Variants in TTLL7 observed in about 807,000 individuals in gnomAD.
TTLL7 encodes the protein tubulin tyrosine ligase like 7, also known as tubulin polyglutamylase TTLL7.
In TTLL7, 53 loss-of-function variants were observed where a neutral mutation model predicts 120.2. That is an observed-to-expected ratio of 0.44 (90% CI 0.35 to 0.55). The LOEUF (loss-of-function observed/expected upper bound fraction) is 0.55. Ranked by LOEUF, TTLL7 falls within the 20% of genes least tolerant of loss-of-function variation. The pLI is 0.00. For synonymous variants in TTLL7, 353 were observed against 351.7 expected (o/e 1.00, Z -0.04); for missense variants, 803 against 1,054.7 (o/e 0.76, Z 3.31).
intron 1 of TTLL7, among the ~76,000 whole-genome samples, chr1:83,958,547 G>A (rs1431792201): frequency 6.6e-6 from 1 of 152,092 alleles, no homozygotes; most frequent in Non-Finnish European, 1.5e-5. Context: ...TATGCAAAAA[G>A]TAGTATTTCC....
intron 14 of TTLL7, among the ~76,000 whole-genome samples, chr1:83,915,337 G>A (rs367586405): frequency 2.6e-5 from 4 of 152,204 alleles, no homozygotes; most frequent in South Asian, 2.1e-4. Context: ...AAATAATGCC[G>A]CAGGTCTACA....
chr1:83,899,880 GGAA>G (rs1656574169), intron 18 of TTLL7, among the ~76,000 whole-genome samples: 1 of 151,854 alleles, frequency 6.6e-6, no homozygotes, highest in South Asian at 2.1e-4. Context: ...TCTGAGAACT[GGAA>G]GAAGAGATTA....
At chr1:83,996,205 T>G (rs1034936062) in intron 1 of TTLL7, among the ~76,000 whole-genome samples, 1 of 152,108 alleles carries the variant, frequency 6.6e-6, no homozygotes, top group Admixed American at 6.5e-5. Flanking sequence ...AAAGGCAAAT[T>G]CCTTTGGAAG....
intron 10 of TTLL7, among the ~76,000 whole-genome samples, chr1:83,926,995 A>C (rs1428920059): frequency 6.6e-6 from 1 of 152,246 alleles, no homozygotes; most frequent in African/African-American, 2.4e-5. Context: ...CCCCAAGCCT[A>C]ATGTTTTAAA....
intron 10 of TTLL7, among the ~76,000 whole-genome samples, chr1:83,922,435 G>A (rs10493741): frequency 1.3e-5 from 2 of 151,854 alleles, no homozygotes; most frequent in South Asian, 2.1e-4. Context: ...AATATGAGTC[G>A]AAGGCCCTAA....
intron 7 of TTLL7, among the ~76,000 whole-genome samples, chr1:83,939,141 C>A (rs1258751911): frequency 6.6e-6 from 1 of 152,086 alleles, no homozygotes; most frequent in Non-Finnish European, 1.5e-5. Flanking sequence ...ACAAAATAAA[C>A]AACAGTCTCT....
chr1:83,886,714 T>C (rs908299586), intron 19 of TTLL7, among the ~76,000 whole-genome samples: 1 of 151,936 alleles, frequency 6.6e-6, no homozygotes, highest in Non-Finnish European at 1.5e-5. Flanking sequence ...TGAGTGGAGA[T>C]GGGGCTTTCC....
chr1:83,922,059 G>A (rs1658716373), intron 10 of TTLL7, among the ~76,000 whole-genome samples: 1 of 151,968 alleles, frequency 6.6e-6, no homozygotes, highest in South Asian at 2.1e-4. Flanking sequence ...CACGTAGCTG[G>A]TGAAATAACA....
At chr1:83,995,388 C>T (rs1377136467) in intron 1 of TTLL7, among the ~76,000 whole-genome samples, 1 of 151,364 alleles carries the variant, frequency 6.6e-6, no homozygotes, top group Non-Finnish European at 1.5e-5. Context: ...ATCCCTTTGG[C>T]GGTAAGTGAG....
rs1557564652 is a variant in TTLL7 at position 83,892,481 on chromosome 1, A to AACATATAT, written c.2209-2001_2209-2000insATATATGT. Among the ~76,000 whole-genome samples, 26 of 83,952 alleles carry AACATATAT rather than the reference A, an allele frequency of 3.1e-4. 1 individual carries two copies. The highest frequency in any genetic ancestry group is 5.0e-4 in the Non-Finnish European group (18 of 36,172). 55.1% of individuals were successfully genotyped at this position (83,952 alleles called of 152,430 possible). A position where few individuals can be genotyped will look rare whatever the true frequency, so the allele number is the denominator to read the frequency against. On this transcript the variant is annotated intron_variant, in intron 18 of 20. Coordinates refer to ENST00000260505, the MANE Select transcript of TTLL7 (RefSeq NM_024686.6). ...ATATGAACATATATATGAACATATGAATGAACATATATATGAACATATGAA... is the reference window on the plus strand; with the variant it reads ...ATATGAACATATATATGAACATATGAACATATATATGAACATATATATGAACATATGAA...
chr1:83,949,787 A>C (rs1218504766), intron 4 of TTLL7, 78 bp downstream of exon 4: 9 of 1,513,388 alleles, frequency 5.9e-6, no homozygotes, highest in Non-Finnish European at 8.2e-6. Context: ...GCAACATATT[A>C]AGAACCTATC....
At chr1:83,969,700 A>T (rs1468518534) in intron 1 of TTLL7, among the ~76,000 whole-genome samples, 1 of 152,014 alleles carries the variant, frequency 6.6e-6, no homozygotes, top group Non-Finnish European at 1.5e-5. Flanking sequence ...ATGTATGTCA[A>T]GCCATTATTA....
intron 20 of TTLL7, among the ~76,000 whole-genome samples, chr1:83,877,064 C>A (rs1018489330): frequency 3.3e-5 from 5 of 151,940 alleles, no homozygotes; most frequent in African/African-American, 1.2e-4. Flanking sequence ...GAAAATTTAT[C>A]TTTTCTGTCT....
chr1:83,960,937 G>A (rs549017779), intron 1 of TTLL7, among the ~76,000 whole-genome samples: 120 of 152,190 alleles, frequency 7.9e-4, no homozygotes, highest in South Asian at 1.5e-3. Flanking sequence ...TTCCCTGGCT[G>A]GGCCCATTAC....
chr1:83,878,502 G>A (rs571049456), intron 20 of TTLL7, among the ~76,000 whole-genome samples: 50 of 151,968 alleles, frequency 3.3e-4, no homozygotes, highest in Non-Finnish European at 5.2e-4. Context: ...GGCAGGCCCT[G>A]AACTCCTATT....
chr1:83,883,390 T>TGA (rs975111614), intron 19 of TTLL7, among the ~76,000 whole-genome samples: 3 of 151,908 alleles, frequency 2.0e-5, no homozygotes, highest in African/African-American at 7.3e-5. Context: ...TGTTTGTATG[T>TGA]GAGAGAGAGA....
chr1:83,905,419 A>G (rs748334502), intron 17 of TTLL7, among the ~76,000 whole-genome samples: 2 of 151,736 alleles, frequency 1.3e-5, no homozygotes, highest in Non-Finnish European at 2.9e-5. Context: ...CTACACACTT[A>G]CTTCAGACAG....
At chr1:83,880,536 A>G (rs1654352500) in intron 20 of TTLL7, among the ~76,000 whole-genome samples, 1 of 152,044 alleles carries the variant, frequency 6.6e-6, no homozygotes, top group Non-Finnish European at 1.5e-5. Context: ...TTTTAACAAA[A>G]GAAAATCCGA....
intron 9 of TTLL7, among the ~76,000 whole-genome samples, chr1:83,932,525 T>C (rs183092346): frequency 9.3e-4 from 142 of 152,060 alleles, no homozygotes; most frequent in African/African-American, 2.7e-3. Flanking sequence ...GGAGACACAA[T>C]ACATGTTACT....
Sources: gnomAD v4.1 joint callset for allele counts (sites outside exome capture counted in the v4.1 genomes callset) on GRCh38, gnomAD v4.1.1 for gene constraint, MANE v1.5 for transcripts, NCBI Gene and HGNC (gene_info 2026-07-23, HGNC 2026-07-21) for gene names.